The following CDH10 variants were observed in gnomAD, a reference collection of about 807,000 sequenced individuals.
CDH10 encodes cadherin-10.
In CDH10, 30 loss-of-function variants were observed where a neutral mutation model predicts 73.1. The observed-to-expected ratio is 0.41, with a 90% CI of 0.31 to 0.56. The LOEUF (loss-of-function observed/expected upper bound fraction) is 0.56. Ranked by LOEUF, CDH10 falls within the 20% of genes least tolerant of loss-of-function variation. CDH10 has a pLI of 0.27. For missense variants in CDH10, 815 were observed against 973.7 expected, an observed-to-expected ratio of 0.84 and a Z score of 2.17; for synonymous variants, 345 against 348.2, an observed-to-expected ratio of 0.99 and a Z score of 0.10.
chr5:24,582,370 G>C (rs902917713), intron 2 of CDH10, among the ~76,000 whole-genome samples: 2 of 152,094 alleles, frequency 1.3e-5, no homozygotes, highest in African/African-American at 4.8e-5. Context: ...TTCAAAAATA[G>C]CCAAAATTCT....
At chr5:24,582,290 T>TA (rs1323590767) in intron 2 of CDH10, among the ~76,000 whole-genome samples, 1 of 152,158 alleles carries the variant, frequency 6.6e-6, no homozygotes, top group Non-Finnish European at 1.5e-5. Context: ...TGTAGAAAGA[T>TA]ACGCTACACA....
At chr5:24,581,050 A>G (rs1383736314) in intron 2 of CDH10, among the ~76,000 whole-genome samples, 1 of 152,156 alleles carries the variant, frequency 6.6e-6, no homozygotes, top group East Asian at 1.9e-4. Flanking sequence ...TAGTCTCTTC[A>G]GACATTTGAA....
At chr5:24,586,642 G>A (rs543489870) in intron 2 of CDH10, among the ~76,000 whole-genome samples, 2 of 150,390 alleles carry the variant, frequency 1.3e-5, no homozygotes, top group African/African-American at 2.4e-5. Context: ...ACAAGATTTC[G>A]CCATGTTGGT....
At chr5:24,541,312 A>G (rs745708428) in intron 2 of CDH10, among the ~76,000 whole-genome samples, 3 of 151,912 alleles carry the variant, frequency 2.0e-5, no homozygotes, top group Admixed American at 6.6e-5. Context: ...CTTATTCTGC[A>G]TAATTTTTCA....
intron 2 of CDH10, among the ~76,000 whole-genome samples, chr5:24,544,549 T>C (rs1450770510): frequency 1.3e-5 from 2 of 152,148 alleles, no homozygotes; most frequent in African/African-American, 4.8e-5. Flanking sequence ...CCCAGAGATT[T>C]CCTCCAAGAG....
At chr5:24,505,072 C>A in intron 8 of CDH10, 40 bp downstream of exon 8, 1 of 1,350,138 alleles carries the variant, frequency 7.4e-7, no homozygotes, top group Non-Finnish European at 1.0e-6. Context: ...TAAACATAAA[C>A]ATATCTAGAT....
In CDH10 at chr5:24,504,506, C is replaced by CTGTTTTTTTTT. The variant is rs1554016940; in HGVS notation, c.1393+605_1393+606insAAAAAAAAACA. ...TATTAAATGCTTTTCTCCTATTAATCTTTTTTTTTTTTTTTTTTTTTTTTT... is the reference window on the plus strand; with the variant it reads ...TATTAAATGCTTTTCTCCTATTAATCTGTTTTTTTTTTTTTTTTTTTTTTTTTTTTTTTTTT... On this transcript the variant is annotated intron_variant, in intron 8 of 11. Transcript: ENST00000264463. Among the ~76,000 whole-genome samples the CTGTTTTTTTTT allele has an allele frequency of 4.0e-3, 263 of 65,162 alleles. 102 individuals carry two copies. Among genetic ancestry groups the CTGTTTTTTTTT allele is most frequent in the Middle Eastern group, 0.036 (4 of 112 alleles). 42.7% of individuals were successfully genotyped at this position (65,162 alleles called of 152,430 possible).
At chr5:24,545,748 A>G (rs1671871996) in intron 2 of CDH10, among the ~76,000 whole-genome samples, 1 of 152,016 alleles carries the variant, frequency 6.6e-6, no homozygotes, top group Admixed American at 6.6e-5. Context: ...GAGCCCGTGC[A>G]TGCAAGGTTA....
At chr5:24,643,969 C>T (rs1239639661) in intron 1 of CDH10, among the ~76,000 whole-genome samples, 1 of 152,144 alleles carries the variant, frequency 6.6e-6, no homozygotes, top group African/African-American at 2.4e-5. Context: ...ACCTCTCTCC[C>T]CCCAATACTT....
intron 1 of CDH10, among the ~76,000 whole-genome samples, chr5:24,618,105 CT>C (rs1747184250): frequency 6.6e-6 from 1 of 152,132 alleles, no homozygotes; most frequent in African/African-American, 2.4e-5. Flanking sequence ...AATTTTTTCA[CT>C]GTTAAATGTG....
intron 10 of CDH10, 44 bp from the exon 11 acceptor site, chr5:24,491,871 A>T (rs771987640): frequency 7.6e-7 from 1 of 1,310,834 alleles, no homozygotes. Context: ...GGGATAGTAA[A>T]TTTTTCCCAA....
chr5:24,625,518 C>A (rs2112179320), intron 1 of CDH10, among the ~76,000 whole-genome samples: 1 of 147,668 alleles, frequency 6.8e-6, no homozygotes, highest in East Asian at 2.0e-4. Context: ...GATGCGAGAT[C>A]TGACTGAGAT....
chr5:24,544,748 C>T (rs923388062), intron 2 of CDH10, among the ~76,000 whole-genome samples: 3 of 152,150 alleles, frequency 2.0e-5, no homozygotes, highest in African/African-American at 4.8e-5. Flanking sequence ...CAAGAACCTA[C>T]AAGAGATCAG....
intron 2 of CDH10, among the ~76,000 whole-genome samples, chr5:24,544,212 T>C (rs1482689138): frequency 6.6e-6 from 1 of 152,036 alleles, no homozygotes; most frequent in South Asian, 2.1e-4. Context: ...GAGAATCTCT[T>C]GAACTGGGGA....
chr5:24,518,514 T>TA lies in CDH10; in HGVS notation c.815-7001dup, dbSNP rs1424664319. Among the ~76,000 whole-genome samples the TA allele has an allele frequency of 3.3e-5, 5 of 152,232 alleles. No homozygotes were observed. The South Asian group carries it at 1.0e-3, about 32-fold the overall frequency. ...GTGTATATATACATATGTGGATATA[T>TA]AATGGACAGTTTTACCAAGCTAATA... On this transcript the variant is annotated intron_variant, in intron 5 of 11. Transcript: ENST00000264463.
chr5:24,587,053 C>T (rs2112075919), intron 2 of CDH10, among the ~76,000 whole-genome samples: 1 of 150,440 alleles, frequency 6.6e-6, no homozygotes, highest in South Asian at 2.1e-4. Flanking sequence ...ATCGTGTTAG[C>T]CAGAATGGTC....
At chr5:24,489,461 C>A (rs542417785) in intron 11 of CDH10, among the ~76,000 whole-genome samples, 2 of 152,042 alleles carry the variant, frequency 1.3e-5, no homozygotes, top group African/African-American at 4.8e-5. Flanking sequence ...AGAAAATATG[C>A]CATTTTATTT....
At chr5:24,568,619 A>G (rs1307094278) in intron 2 of CDH10, among the ~76,000 whole-genome samples, 1 of 152,162 alleles carries the variant, frequency 6.6e-6, no homozygotes, top group Non-Finnish European at 1.5e-5. Context: ...TAGAATTACC[A>G]CATGATCCAG....
intron 1 of CDH10, among the ~76,000 whole-genome samples, chr5:24,616,342 A>G (rs1747127910): frequency 6.6e-6 from 1 of 152,178 alleles, no homozygotes; most frequent in African/African-American, 2.4e-5. Context: ...AATTTGGATT[A>G]TGGTTAACAC....
Sources: gnomAD v4.1 joint callset for allele counts (sites outside exome capture counted in the v4.1 genomes callset) on GRCh38, gnomAD v4.1.1 for gene constraint, MANE v1.5 for transcripts, NCBI Gene and HGNC (gene_info 2026-07-23, HGNC 2026-07-21) for gene names.